Variants in PRELID3A observed in about 807,000 individuals in gnomAD.
The protein encoded by PRELID3A is PRELI domain containing 3A.
In PRELID3A, 27 loss-of-function variants were observed where a neutral mutation model predicts 23.0. That is an observed-to-expected ratio of 1.17 (90% CI 0.87 to 1.62). PRELID3A has a LOEUF of 1.62. Ranked by LOEUF, PRELID3A falls within the 40% of genes most tolerant of loss-of-function variation. The pLI is 0.00. For synonymous variants in PRELID3A, 87 were observed against 86.4 expected, an observed-to-expected ratio of 1.01 and a Z score of -0.04; for missense variants, 231 against 231.4, an observed-to-expected ratio of 1.00 and a Z score of 0.01.
intron 1 of PRELID3A, among the ~76,000 whole-genome samples, chr18:12,409,492 T>C (rs569047428): frequency 1.8e-4 from 28 of 152,178 alleles, no homozygotes; most frequent in Non-Finnish European, 2.1e-4. Context: ...AAAATTATAA[T>C]AAAAATATAT....
intron 3 of PRELID3A, 22 bp from the exon 4 acceptor site, chr18:12,427,019 A>G: frequency 1.3e-6 from 2 of 1,580,170 alleles, no homozygotes. Flanking sequence ...AATACAATCT[A>G]AACCTTTTTT....
chr18:12,415,315 A>G (rs2029913003), intron 1 of PRELID3A, among the ~76,000 whole-genome samples: 2 of 151,470 alleles, frequency 1.3e-5, no homozygotes, highest in South Asian at 4.2e-4. Flanking sequence ...GCAGAAGTGC[A>G]GTGGTGCGTT....
At chr18:12,408,065 G>T (rs879676648) in intron 1 of PRELID3A, 58 bp downstream of exon 1, 7 of 1,231,774 alleles carry the variant, frequency 5.7e-6, no homozygotes, top group Non-Finnish European at 7.1e-6. Flanking sequence ...CTGCTCCCGA[G>T]CCCGGCTGGA....
chr18:12,432,154 G>A lies in PRELID3A; in HGVS notation c.*1038G>A, dbSNP rs2030636053. The A allele has an allele frequency of 1.3e-5, 2 of 152,386 alleles. No individual in the cohort carries two copies. Among genetic ancestry groups the A allele is most frequent in the Middle Eastern group, 3.4e-3 (1 of 294 alleles). The allele number at this position is 152,386 out of a possible 1,614,324, so 9.4% of individuals were successfully genotyped here. A position where few individuals can be genotyped will look rare whatever the true frequency, so the allele number is the denominator to read the frequency against. ...CGGCTCTTTTTCGCAAAGCCTTCCA[G>A]AAGTTTTCTGTGCTTATGAAAGCGT... On this transcript the variant is annotated 3_prime_UTR_variant, in exon 7 of 7. Coordinates refer to ENST00000440960, the MANE Select transcript of PRELID3A (RefSeq NM_001142405.2).
Position 12,427,303 on chromosome 18 carries a change from A to G in PRELID3A, c.445A>G (p.Ile149Val), listed in dbSNP as rs764283229. The G allele has an allele frequency of 2.5e-6, 4 of 1,611,756 alleles. No homozygotes were observed. The highest frequency in any genetic ancestry group is 3.4e-6 in the Non-Finnish European group (4 of 1,177,804). Residue 149 changes from isoleucine to valine, a missense_variant, in exon 5 of 7, where the codon ATA (isoleucine) becomes GTA (valine). Ile to Val is a conservative substitution (Grantham distance 29, BLOSUM62 3). Transcript: ENST00000440960. The part of the protein sequence containing the change: ...SYLESLMANT[I>V]SSNAKKGWAA... Reference sequence around the variant, plus strand: ...TTTGGAAAGTTTAATGGCCAATACGATATCATCCAATGCAAAGAAGGTATG... The same window carrying G: ...TTTGGAAAGTTTAATGGCCAATACGGTATCATCCAATGCAAAGAAGGTATG...
intron 3 of PRELID3A, among the ~76,000 whole-genome samples, chr18:12,423,917 G>T (rs552935171): frequency 6.6e-6 from 1 of 152,356 alleles, no homozygotes; most frequent in African/African-American, 2.4e-5. Context: ...CATGGGAACA[G>T]TCCCCCAGGA....
chr18:12,425,230 G>A (rs2030315284), intron 3 of PRELID3A, among the ~76,000 whole-genome samples: 2 of 152,334 alleles, frequency 1.3e-5, no homozygotes, highest in Admixed American at 1.3e-4. Context: ...GCATGTGTGT[G>A]TGGCTACCAT....
intron 3 of PRELID3A, among the ~76,000 whole-genome samples, chr18:12,426,110 A>C (rs1052760396): frequency 6.6e-6 from 1 of 150,584 alleles, no homozygotes; most frequent in Non-Finnish European, 1.5e-5. Context: ...ATGGTGGCAC[A>C]TGCCTGTAAT....
At position 12,420,391 on chromosome 18, in the gene PRELID3A, G is replaced by C; in HGVS notation, c.99G>C (p.Val33=). 1 of 1,610,164 alleles carries C rather than the reference G, an allele frequency of 6.2e-7. No homozygotes were observed. The highest frequency in any genetic ancestry group is 1.7e-4 in the Middle Eastern group (1 of 6,054). ...ACCCGAACCCGATGAACCCGAGCGT[G>C]CTGGGCGTGGATGTGCTACAGCGCC... is the stretch of plus-strand genomic sequence containing the variant. ...RKYPNPMNPS[V]LGVDVLQRRV... The change falls in exon 2 of 7, where the codon GTG becomes GTC. Residue 33 remains valine, a synonymous_variant. Transcript: ENST00000440960.
intron 1 of PRELID3A, among the ~76,000 whole-genome samples, chr18:12,408,969 G>A (rs114586602): frequency 0.017 from 2,548 of 152,210 alleles, 32 homozygotes; most frequent in African/African-American, 0.025. Flanking sequence ...TCAGTGATCT[G>A]TGACACACTG....
At chr18:12,423,022 C>T (rs188483922) in intron 3 of PRELID3A, among the ~76,000 whole-genome samples, 1 of 152,328 alleles carries the variant, frequency 6.6e-6, no homozygotes, top group African/African-American at 2.4e-5. Flanking sequence ...TGTCATCGCA[C>T]GGTGGGCATC....
At chr18:12,419,735 C>A (rs2030084512) in intron 1 of PRELID3A, among the ~76,000 whole-genome samples, 1 of 151,618 alleles carries the variant, frequency 6.6e-6, no homozygotes, top group African/African-American at 2.4e-5. Flanking sequence ...GTCAGGAGAT[C>A]GAGAGCACGG....
intron 1 of PRELID3A, among the ~76,000 whole-genome samples, chr18:12,416,792 C>T (rs2029971333): frequency 1.3e-5 from 2 of 151,864 alleles, no homozygotes; most frequent in Non-Finnish European, 2.9e-5. Flanking sequence ...ACTACAGACG[C>T]CTGCCACCGT....
At chr18:12,427,883 T>TG (rs1363758294) in intron 5 of PRELID3A, among the ~76,000 whole-genome samples, 1 of 152,062 alleles carries the variant, frequency 6.6e-6, no homozygotes, top group African/African-American at 2.4e-5. Flanking sequence ...AGAGAAAGTA[T>TG]GGGGTAAACC....
intron 3 of PRELID3A, among the ~76,000 whole-genome samples, chr18:12,423,942 G>A (rs34967309): frequency 0.14 from 20,637 of 152,178 alleles, 1,746 homozygotes; most frequent in East Asian, 0.38. Flanking sequence ...CAGTGCTGTC[G>A]GCCAGCCACA....
chr18:12,410,922 C>T (rs541748392), intron 1 of PRELID3A: 18 of 152,312 alleles, frequency 1.2e-4, no homozygotes, highest in African/African-American at 4.3e-4. Flanking sequence ...TGGTCTCAAA[C>T]TCCTGACCTC....
intron 1 of PRELID3A, 41 bp downstream of exon 1, chr18:12,408,048 C>A: frequency 8.0e-7 from 1 of 1,243,416 alleles, no homozygotes. Context: ...CGTCCAGACG[C>A]CGGCTCCTGC....
At chr18:12,425,464 CAAAAAAAAAAAA>C (rs1235020532) in intron 3 of PRELID3A, among the ~76,000 whole-genome samples, 8 of 93,184 alleles carry the variant, frequency 8.6e-5, no homozygotes, top group Non-Finnish European at 1.5e-4. Flanking sequence ...ACTAAAAATA[CAAAAAAAAAAAA>C]AAAAAATTAG....
intron 6 of PRELID3A, among the ~76,000 whole-genome samples, 157 bp from the exon 7 acceptor site, chr18:12,430,993 T>C (rs1346625279): frequency 6.6e-6 from 1 of 151,084 alleles, no homozygotes; most frequent in Non-Finnish European, 1.5e-5. Flanking sequence ...GTGTGTAATG[T>C]GTATGTGTGA....
Sources: gnomAD v4.1 joint callset for allele counts (sites outside exome capture counted in the v4.1 genomes callset) on GRCh38, gnomAD v4.1.1 for gene constraint, MANE v1.5 for transcripts, NCBI Gene and HGNC (gene_info 2026-07-23, HGNC 2026-07-21) for gene names.